The following DTNA variants were observed in gnomAD, a reference collection of about 807,000 sequenced individuals.
DTNA encodes the protein dystrophin-related protein 3.
A neutral mutation model predicts 100.7 loss-of-function variants in DTNA; 43 were observed. The observed-to-expected ratio is 0.43, with a 90% CI of 0.33 to 0.55. The LOEUF is 0.55. DTNA is among the 20% of genes least tolerant of loss of function. DTNA has a pLI of 0.04. For missense variants in DTNA, 798 were observed against 953.9 expected, an observed-to-expected ratio of 0.84 and a Z score of 2.15; for synonymous variants, 349 against 347.9, an observed-to-expected ratio of 1.00 and a Z score of -0.04.
At chr18:34,727,330 T>C (rs890260160) in intron 1 of DTNA, among the ~76,000 whole-genome samples, 7 of 152,222 alleles carry the variant, frequency 4.6e-5, no homozygotes, top group South Asian at 2.1e-4. Context: ...AAAATACTTA[T>C]GACCATTGAC....
In DTNA at chr18:34,794,116, C is replaced by T. The variant is rs1002773493; in HGVS notation, c.228C>T (p.Leu76=). ...ALNNLDPNTE[L]NVSRLEAVLS... The stretch of plus-strand genomic sequence containing the variant: ...ACAACCTGGACCCAAACACTGAACT[C>T]AACGTGTCCCGCTTAGAGGCTGTGC... Residue 76 remains leucine (L), a synonymous_variant, in exon 4 of 23, where the codon CTC becomes CTT. Coordinates refer to ENST00000444659, the MANE Select transcript of DTNA (RefSeq NM_001386795.1). The T allele has an allele frequency of 6.2e-7, 1 of 1,614,046 alleles. No homozygotes were observed. The highest frequency in any genetic ancestry group is 1.3e-5 in the African/African-American group (1 of 74,934).
chr18:34,526,983 A>C (rs1230694611), intron 1 of DTNA, among the ~76,000 whole-genome samples: 1 of 152,122 alleles, frequency 6.6e-6, no homozygotes, highest in East Asian at 1.9e-4. Context: ...CTGAAATCTT[A>C]GGCAGATCCT....
In DTNA at chr18:34,877,751, G is replaced by T. The variant is rs191002814; in HGVS notation, c.1936G>T (p.Val646Leu). 30 of 1,613,916 alleles carry T rather than the reference G, an allele frequency of 1.9e-5. No individual in the cohort carries two copies. The Admixed American group carries it at 3.7e-4, about 20-fold the overall frequency. The change falls in exon 19 of 23, where the codon GTG becomes TTG. Residue 646 changes from valine to leucine, a missense_variant. Transcript: ENST00000444659. ...SRRNLRNDLL[V>L]AADSITNTMS... ...AAGAAACTTAAGGAATGACTTGCTA[G>T]TGGCTGCAGATTCCATCACTAACAC...
intron 13 of DTNA, among the ~76,000 whole-genome samples, chr18:34,839,125 A>G (rs986870365): frequency 2.0e-5 from 3 of 152,176 alleles, no homozygotes; most frequent in Admixed American, 6.5e-5. Flanking sequence ...GGTCCCACCA[A>G]TCAGTTCTGT....
Position 34,882,185 on chromosome 18 carries a change from A to C in DTNA, c.2279A>C (p.Gln760Pro). Residue 760 changes from glutamine to proline, a missense_variant, in exon 21 of 23, where the codon CAA (glutamine) becomes CCA (proline). Gln to Pro is a moderately conservative substitution (Grantham distance 76). Transcript: ENST00000444659. ...GAGGAATACCTGAAACAGAAGCTGC[A>C]AGATGAAGCTTATCAGGTACAGGGA... Reference protein sequence around the residue: ...QMEEYLKQKLQDEAYQVSLQG With the variant: ...QMEEYLKQKLPDEAYQVSLQG 1 of 1,613,944 alleles carries C rather than the reference A, an allele frequency of 6.2e-7. No homozygotes were observed. Among genetic ancestry groups the C allele is most frequent in the Non-Finnish European group, 8.5e-7 (1 of 1,179,928 alleles).
At chr18:34,708,951 G>C (rs1352190721), upstream of DTNA, among the ~76,000 whole-genome samples, 2 of 152,186 alleles carry the variant, frequency 1.3e-5, no homozygotes, top group Admixed American at 6.5e-5. Flanking sequence ...CACAAAAGTA[G>C]TATGGGCTAG....
intron 1 of DTNA, among the ~76,000 whole-genome samples, chr18:34,546,737 T>C (rs1462669795): frequency 1.3e-5 from 2 of 151,944 alleles, no homozygotes; most frequent in Non-Finnish European, 2.9e-5. Flanking sequence ...CCTTATTTTT[T>C]TGTAATTTTC....
At chr18:34,722,606 TACACACACACAC>T (rs71166022) in intron 1 of DTNA, among the ~76,000 whole-genome samples, 3 of 147,130 alleles carry the variant, frequency 2.0e-5, no homozygotes, top group Non-Finnish European at 4.5e-5. Flanking sequence ...TATATATACA[TACACACACACAC>T]ACACACACAC....
chr18:34,753,899 G>T (rs930307460), intron 1 of DTNA, among the ~76,000 whole-genome samples: 31 of 152,296 alleles, frequency 2.0e-4, no homozygotes, highest in Non-Finnish European at 3.8e-4. Flanking sequence ...ATTAGGAAGG[G>T]AGTGTTTTTT....
intron 1 of DTNA, among the ~76,000 whole-genome samples, chr18:34,535,273 G>A (rs2043580152): frequency 6.6e-6 from 1 of 151,960 alleles, no homozygotes. Context: ...ACGTTTCTTG[G>A]CCAGATAAAT....
chr18:34,603,945 C>T (rs201378117), intron 1 of DTNA, among the ~76,000 whole-genome samples: 11 of 152,210 alleles, frequency 7.2e-5, no homozygotes, highest in East Asian at 3.9e-4. Flanking sequence ...AAAAGCTCTA[C>T]GCTCTACTAA....
intron 1 of DTNA, among the ~76,000 whole-genome samples, chr18:34,577,731 C>T (rs1221197013): frequency 6.6e-6 from 1 of 152,190 alleles, no homozygotes; most frequent in African/African-American, 2.4e-5. Flanking sequence ...ATAGTAGTCT[C>T]TCATCCCATC....
At chr18:34,716,351 C>T (rs1312008778) in intron 1 of DTNA, among the ~76,000 whole-genome samples, 3 of 152,130 alleles carry the variant, frequency 2.0e-5, no homozygotes, top group Non-Finnish European at 4.4e-5. Flanking sequence ...CGCCTGAGAT[C>T]AGGAGTTGGA....
At chr18:34,577,028 TAATA>T (rs533950117) in intron 1 of DTNA, among the ~76,000 whole-genome samples, 103 of 152,326 alleles carry the variant, frequency 6.8e-4, no homozygotes, top group African/African-American at 2.4e-3. Flanking sequence ...TGTGGGTCAG[TAATA>T]AATAGTATTT....
At chr18:34,547,135 T>G (rs2044872955) in intron 1 of DTNA, among the ~76,000 whole-genome samples, 1 of 152,162 alleles carries the variant, frequency 6.6e-6, no homozygotes, top group African/African-American at 2.4e-5. Context: ...TTTGAAAGAT[T>G]GGAAATTTGT....
At chr18:34,804,677 G>A (rs1186757088) in intron 4 of DTNA, among the ~76,000 whole-genome samples, 1 of 152,206 alleles carries the variant, frequency 6.6e-6, no homozygotes, top group Admixed American at 6.5e-5. Context: ...CGGTGAGTCT[G>A]AGTATTATGG....
chr18:34,789,676 C>T (rs9966002), intron 3 of DTNA, among the ~76,000 whole-genome samples: 2,318 of 152,214 alleles, frequency 0.015, 58 homozygotes, highest in African/African-American at 0.052. Flanking sequence ...ACTAGTTTTA[C>T]TTAAATCATT....
At chr18:34,860,439 A>G (rs1291725671) in intron 16 of DTNA, among the ~76,000 whole-genome samples, 1 of 151,886 alleles carries the variant, frequency 6.6e-6, no homozygotes, top group Admixed American at 6.6e-5. Flanking sequence ...CATACTTTTT[A>G]TAGTAAGTAC....
intron 1 of DTNA, among the ~76,000 whole-genome samples, chr18:34,572,159 G>A (rs2047650329): frequency 6.6e-6 from 1 of 152,168 alleles, no homozygotes; most frequent in South Asian, 2.1e-4. Context: ...ATTAGAATCT[G>A]GGATAAACAG....
Sources: gnomAD v4.1 joint callset for allele counts (sites outside exome capture counted in the v4.1 genomes callset) on GRCh38, gnomAD v4.1.1 for gene constraint, MANE v1.5 for transcripts, NCBI Gene and HGNC (gene_info 2026-07-23, HGNC 2026-07-21) for gene names.